OPRM1: variants seen among roughly 807,000 people sequenced by gnomAD.
OPRM1 encodes the protein mu-type opioid receptor.
A neutral mutation model predicts 31.8 loss-of-function variants in OPRM1; 27 were observed. The ratio of observed to expected loss-of-function variants is 0.85; its 90% CI spans 0.63 to 1.17. OPRM1 has a LOEUF of 1.17. Among genes scored for constraint, OPRM1 ranks in the 50% most tolerant of loss-of-function variants. OPRM1 has a pLI of 0.00. For missense variants in OPRM1, 536 were observed against 511.1 expected (o/e 1.05, Z -0.47); for synonymous variants, 196 against 189.9 (o/e 1.03, Z -0.26).
chr6:154,184,229 A>T (rs1378415571), intron 3 of OPRM1, among the ~76,000 whole-genome samples: 1 of 152,050 alleles, frequency 6.6e-6, no homozygotes, highest in Non-Finnish European at 1.5e-5. Context: ...CTATCTCAAA[A>T]TGTAATAGCA....
In OPRM1 at chr6:154,091,333, A is replaced by G. The variant is rs199649616; in HGVS notation, c.1025A>G (p.Asp342Gly). 1 of 1,614,082 alleles carries G rather than the reference A, an allele frequency of 6.2e-7. No individual in the cohort carries two copies. The highest frequency in any genetic ancestry group is 1.3e-5 in the African/African-American group (1 of 74,922). ...CLNPVLYAFL[D>G]ENFKRCFREF... is the part of the protein sequence containing the mutation. ...AACCCAGTCCTTTATGCATTTCTGGATGAAAACTTCAAACGATGCTTCAGA... is the reference window on the plus strand; with the variant it reads ...AACCCAGTCCTTTATGCATTTCTGGGTGAAAACTTCAAACGATGCTTCAGA... The change falls in exon 3 of 4, where the codon GAT becomes GGT. Residue 342 changes from aspartate (D) to glycine (G), a missense_variant. Transcript: ENST00000330432.
At position 154,096,366 on chromosome 6, in the gene OPRM1, G is replaced by T. The variant is rs183928266; in HGVS notation, c.1164+4894G>T. 1.8e-3 allele frequency among the ~76,000 whole-genome samples: 276 copies of T among 152,048 alleles called. 2 individuals carry two copies. Among genetic ancestry groups the T allele is most frequent in the African/African-American group, 6.3e-3 (263 of 41,492 alleles). ...TGAGCCCCTGTGTCTGGCCTCTAAC[G>T]CATTTTATATCTTGACACGTAGGTG... On this transcript the variant is annotated intron_variant, in intron 3 of 3. Coordinates refer to ENST00000330432, the MANE Select transcript of OPRM1 (RefSeq NM_000914.5).
At chr6:154,152,161 C>T (rs1208262660) in intron 3 of OPRM1, among the ~76,000 whole-genome samples, 1 of 88,164 alleles carries the variant, frequency 1.1e-5, no homozygotes, top group Non-Finnish European at 2.0e-5. Flanking sequence ...AACAGTGAGA[C>T]TTTGAAAACA....
chr6:154,135,718 T>C (rs1173567333), downstream of OPRM1, among the ~76,000 whole-genome samples: 1 of 152,156 alleles, frequency 6.6e-6, no homozygotes, highest in African/African-American at 2.4e-5. Context: ...TCCAGGCATA[T>C]AGAACCTCTT....
At chr6:154,214,216 A>G (rs1320650612) in intron 3 of OPRM1, 1 of 1,590,534 alleles carries the variant, frequency 6.3e-7, no homozygotes, top group Non-Finnish European at 8.6e-7. Flanking sequence ...AATAGAACAT[A>G]CCTTCATCCT....
intron 1 of OPRM1, among the ~76,000 whole-genome samples, chr6:154,025,096 T>C (rs1200673500): frequency 2.0e-5 from 3 of 152,106 alleles, no homozygotes; most frequent in African/African-American, 7.2e-5. Flanking sequence ...CTGGAAGATC[T>C]GTTTAATGTT....
chr6:154,147,496 C>T (rs1798389629), intron 3 of OPRM1, among the ~76,000 whole-genome samples: 1 of 152,190 alleles, frequency 6.6e-6, no homozygotes, highest in Non-Finnish European at 1.5e-5. Flanking sequence ...GCTGTTTGAG[C>T]CCCTGTTCAC....
intron 1 of OPRM1, among the ~76,000 whole-genome samples, chr6:154,081,787 G>T (rs896415097): frequency 1.3e-5 from 2 of 152,176 alleles, no homozygotes; most frequent in African/African-American, 4.8e-5. Context: ...CACAATACAG[G>T]CTAGACTCCT....
intron 3 of OPRM1, among the ~76,000 whole-genome samples, chr6:154,105,298 G>A (rs1483229540): frequency 6.6e-6 from 1 of 152,116 alleles, no homozygotes; most frequent in Non-Finnish European, 1.5e-5. Context: ...TAAAAGAAAA[G>A]TTTTCTTGAC....
At chr6:154,032,424 G>A (rs1779062995) in intron 1 of OPRM1, among the ~76,000 whole-genome samples, 1 of 152,100 alleles carries the variant, frequency 6.6e-6, no homozygotes, top group Non-Finnish European at 1.5e-5. Context: ...TGGGGCATAA[G>A]AATTTATACT....
At chr6:154,195,791 ATTTT>A (rs34769762) in intron 3 of OPRM1, among the ~76,000 whole-genome samples, 1 of 130,566 alleles carries the variant, frequency 7.7e-6, no homozygotes. Flanking sequence ...CTTGTTCACA[ATTTT>A]TTTTTTTTTT....
intron 3 of OPRM1, among the ~76,000 whole-genome samples, chr6:154,208,547 T>G (rs1777695477): frequency 6.6e-6 from 1 of 152,258 alleles, no homozygotes; most frequent in Non-Finnish European, 1.5e-5. Flanking sequence ...GGCTCCATGA[T>G]GAACATGAAT....
At chr6:154,107,904 A>G (rs1469460303) in intron 3 of OPRM1, 2 of 662,442 alleles carry the variant, frequency 3.0e-6, no homozygotes, top group African/African-American at 3.7e-5. Flanking sequence ...TAGCCTTTGA[A>G]TTATTTTTCA....
At chr6:154,107,915 C>A in intron 3 of OPRM1, 1 of 659,478 alleles carries the variant, frequency 1.5e-6, no homozygotes, top group Non-Finnish European at 2.7e-6. Flanking sequence ...TTATTTTTCA[C>A]ATTAATCAAA....
intron 1 of OPRM1, among the ~76,000 whole-genome samples, chr6:154,026,562 A>G (rs1483002564): frequency 6.6e-6 from 1 of 152,186 alleles, no homozygotes; most frequent in Non-Finnish European, 1.5e-5. Context: ...CTTTAAGGCC[A>G]ATAACTCTTA....
At chr6:154,034,554 A>C (rs1779188819), upstream of OPRM1, among the ~76,000 whole-genome samples, 2 of 152,064 alleles carry the variant, frequency 1.3e-5, no homozygotes, top group African/African-American at 4.8e-5. Flanking sequence ...TTTTAAAATA[A>C]ATAAATAAAT....
chr6:154,064,953 G>T (rs1392586611), intron 1 of OPRM1, among the ~76,000 whole-genome samples: 6 of 152,142 alleles, frequency 3.9e-5, no homozygotes, highest in Non-Finnish European at 7.4e-5. Context: ...TCTTTTTCAA[G>T]ATTATTTTGG....
At chr6:154,182,602 T>C (rs977010431) in intron 3 of OPRM1, among the ~76,000 whole-genome samples, 11 of 152,226 alleles carry the variant, frequency 7.2e-5, no homozygotes, top group African/African-American at 2.4e-4. Context: ...AAAACGTTGG[T>C]GTACATACAA....
chr6:154,097,254 T>C (rs1793553238), intron 3 of OPRM1, among the ~76,000 whole-genome samples: 1 of 152,228 alleles, frequency 6.6e-6, no homozygotes, highest in Non-Finnish European at 1.5e-5. Flanking sequence ...TTAAAGCACT[T>C]TCTTGACATT....
Sources: allele counts gnomAD v4.1 joint callset (sites outside exome capture counted in the v4.1 genomes callset), GRCh38; gene constraint gnomAD v4.1.1; transcripts MANE v1.5; gene names NCBI Gene and HGNC (gene_info 2026-07-23, HGNC 2026-07-21).